The following PRCP variants were observed in gnomAD, a reference collection of about 807,000 sequenced individuals.
PRCP encodes the protein prolylcarboxypeptidase, also known as lysosomal Pro-X carboxypeptidase.
A neutral mutation model predicts 54.2 loss-of-function variants in PRCP; 46 were observed. The observed-to-expected ratio is 0.85, with a 90% CI of 0.67 to 1.09. The LOEUF (loss-of-function observed/expected upper bound fraction) is 1.09, where lower values mean the gene tolerates loss of function less well. PRCP is among the 50% of genes least tolerant of loss of function. The pLI, the probability that PRCP is intolerant of heterozygous loss-of-function variation, is 0.00. For synonymous variants in PRCP, 240 were observed against 212.2 expected, an observed-to-expected ratio of 1.13 and a Z score of -1.14; for missense variants, 613 against 596.8, an observed-to-expected ratio of 1.03 and a Z score of -0.28.
intron 4 of PRCP, 36 bp downstream of exon 4, chr11:82,850,288 T>C (rs1858920278): frequency 2.2e-6 from 3 of 1,367,040 alleles, no homozygotes; most frequent in South Asian, 2.1e-5. Flanking sequence ...TTGATAATCA[T>C]TAAGAAACGT....
intron 1 of PRCP, among the ~76,000 whole-genome samples, chr11:82,879,391 G>A (rs988109604): frequency 6.6e-6 from 1 of 152,112 alleles, no homozygotes; most frequent in Non-Finnish European, 1.5e-5. Flanking sequence ...CGTCATTTAA[G>A]GTCTTCTCTA....
chr11:82,885,608 G>T (rs549746276), intron 1 of PRCP, among the ~76,000 whole-genome samples: 55 of 152,196 alleles, frequency 3.6e-4, no homozygotes, highest in African/African-American at 1.2e-3. Context: ...GGCTTTTAAA[G>T]AAAACAAAAT....
intron 1 of PRCP, among the ~76,000 whole-genome samples, chr11:82,883,807 T>G (rs971995472): frequency 2.0e-5 from 3 of 152,202 alleles, no homozygotes; most frequent in Non-Finnish European, 4.4e-5. Context: ...GGTTGGTAAG[T>G]GTAAATTCCC....
intron 8 of PRCP, 59 bp downstream of exon 8, chr11:82,838,328 T>C (rs1191611634): frequency 2.0e-6 from 3 of 1,478,470 alleles, no homozygotes; most frequent in African/African-American, 2.8e-5. Flanking sequence ...TTCTGTTTTT[T>C]CAGATATTCT....
chr11:82,874,876 C>T lies in PRCP; in HGVS notation c.169-14759G>A, dbSNP rs116714458. ...GAAATGTCCTGGGGGTTCTATTCAA[C>T]GCCACTCCCTTCATGAAGCATTCCT... is the stretch of plus-strand genomic sequence containing the variant. On this transcript the variant is annotated intron_variant, in intron 1 of 8. Coordinates refer to ENST00000313010, the MANE Select transcript of PRCP (RefSeq NM_005040.4). Among the ~76,000 whole-genome samples the T allele has an allele frequency of 2.9e-3, 439 of 152,132 alleles. 4 individuals carry two copies. Among genetic ancestry groups the T allele is most frequent in the South Asian group, 1.0e-2 (48 of 4,822 alleles).
intron 1 of PRCP, among the ~76,000 whole-genome samples, chr11:82,893,266 G>A (rs183870990): frequency 1.1e-3 from 164 of 152,304 alleles, no homozygotes; most frequent in Non-Finnish European, 2.0e-3. Context: ...ACAGCCCCCT[G>A]CTCATTCAAT....
chr11:82,865,246 ACTC>A (rs577153606), intron 1 of PRCP, among the ~76,000 whole-genome samples: 107 of 152,174 alleles, frequency 7.0e-4, no homozygotes, highest in Middle Eastern at 3.4e-3. Flanking sequence ...AGATCTTTAT[ACTC>A]CTTGCATTAT....
intron 1 of PRCP, among the ~76,000 whole-genome samples, chr11:82,870,462 CT>C (rs1859452952): frequency 6.6e-6 from 1 of 152,214 alleles, no homozygotes; most frequent in Admixed American, 6.5e-5. Flanking sequence ...TTGGGAACCC[CT>C]TCTCCACTGG....
At chr11:82,826,130 T>G (rs1359295439) in intron 8 of PRCP, 1 of 152,254 alleles carries the variant, frequency 6.6e-6, no homozygotes, top group East Asian at 1.9e-4. Context: ...CCCATCTTCC[T>G]GCCTTGCTCT....
At chr11:82,848,947 C>T (rs950264932) in intron 6 of PRCP, 102 bp downstream of exon 6, 1 of 1,189,764 alleles carries the variant, frequency 8.4e-7, no homozygotes, top group Non-Finnish European at 1.2e-6. Flanking sequence ...AACTCTGGAG[C>T]CCCTTTGTCA....
chr11:82,844,747 A>AAAAAAGAAAGAAAG (rs756222029), intron 6 of PRCP, among the ~76,000 whole-genome samples: 3 of 136,056 alleles, frequency 2.2e-5, no homozygotes, highest in Non-Finnish European at 4.6e-5. Flanking sequence ...AAAAAAAAAA[A>AAAAAAGAAAGAAAG]AAAGAAAGAA....
chr11:82,839,470 T>C (rs1858608722), intron 6 of PRCP, 45 bp from the exon 7 acceptor site: 1 of 1,536,528 alleles, frequency 6.5e-7, no homozygotes, highest in South Asian at 1.1e-5. Context: ...AGAATATGAA[T>C]ATAAAATGAC....
intron 1 of PRCP, among the ~76,000 whole-genome samples, chr11:82,888,270 C>T (rs117193789): frequency 2.8e-3 from 424 of 152,274 alleles, no homozygotes; most frequent in Non-Finnish European, 5.0e-3. Flanking sequence ...CCTGTGTGGT[C>T]AATCTGCACC....
chr11:82,891,316 C>T (rs549575364), intron 1 of PRCP, among the ~76,000 whole-genome samples: 55 of 152,282 alleles, frequency 3.6e-4, no homozygotes, highest in African/African-American at 1.2e-3. Flanking sequence ...CACTTCTCAG[C>T]CTCCACCACT....
intron 2 of PRCP, 66 bp downstream of exon 2, chr11:82,859,911 C>T (rs1459044672): frequency 4.9e-6 from 7 of 1,439,772 alleles, no homozygotes; most frequent in Non-Finnish European, 5.6e-6. Context: ...TATTGCAAAA[C>T]ATTTCTTCCA....
chr11:82,879,691 A>C (rs1173613294), intron 1 of PRCP, among the ~76,000 whole-genome samples: 2 of 152,140 alleles, frequency 1.3e-5, no homozygotes, highest in Non-Finnish European at 2.9e-5. Flanking sequence ...GTCTTTGATG[A>C]TGGTGACGTA....
chr11:82,896,952 AC>A (rs1480292905), intron 1 of PRCP, among the ~76,000 whole-genome samples: 2 of 152,140 alleles, frequency 1.3e-5, no homozygotes, highest in Non-Finnish European at 1.5e-5. Flanking sequence ...GCCTGACAGG[AC>A]CCATTCTCCC....
At chr11:82,862,931 A>T (rs1253294211) in intron 1 of PRCP, among the ~76,000 whole-genome samples, 2 of 152,220 alleles carry the variant, frequency 1.3e-5, no homozygotes, top group African/African-American at 4.8e-5. Context: ...ACTTAAGCTA[A>T]TTCAACTATA....
chr11:82,853,663 G>A (rs1344969385), intron 2 of PRCP, among the ~76,000 whole-genome samples: 5 of 152,068 alleles, frequency 3.3e-5, no homozygotes, highest in African/African-American at 9.7e-5. Context: ...ATTCTATGAA[G>A]CTAGCATCAT....
Sources: gnomAD v4.1 joint callset for allele counts (sites outside exome capture counted in the v4.1 genomes callset) on GRCh38, gnomAD v4.1.1 for gene constraint, MANE v1.5 for transcripts, NCBI Gene and HGNC (gene_info 2026-07-23, HGNC 2026-07-21) for gene names.